Variants in ITCH observed in about 807,000 individuals in gnomAD.
ITCH encodes the protein itchy E3 ubiquitin protein ligase.
In ITCH, 28 loss-of-function variants were observed where a neutral mutation model predicts 126.8. The observed-to-expected ratio is 0.22, with a 90% confidence interval of 0.16 to 0.30. ITCH has a LOEUF of 0.30. ITCH is among the 10% of genes least tolerant of loss of function. ITCH has a pLI of 1.00. For synonymous variants in ITCH, 342 were observed against 340.0 expected (o/e 1.01, Z -0.06); for missense variants, 631 against 1,032.4 (o/e 0.61, Z 5.33).
chr20:34,381,715 C>G (rs908739020), intron 2 of ITCH, among the ~76,000 whole-genome samples: 2 of 151,668 alleles, frequency 1.3e-5, no homozygotes, highest in African/African-American at 4.8e-5. Context: ...CGTGAGCGAC[C>G]GCGCCTGGCG....
chr20:34,394,116 G>A (rs1165724592), intron 3 of ITCH, among the ~76,000 whole-genome samples: 1 of 151,224 alleles, frequency 6.6e-6, no homozygotes, highest in Non-Finnish European at 1.5e-5. Context: ...GGAGGCTGAG[G>A]CGTGAGAATC....
chr20:34,383,431 A>G (rs1355655734), intron 2 of ITCH, among the ~76,000 whole-genome samples: 2 of 147,768 alleles, frequency 1.4e-5, no homozygotes, highest in African/African-American at 5.0e-5. Flanking sequence ...CAATGGTGCA[A>G]TCTTGGCTCA....
At chr20:34,506,608 G>A (rs1990633237) in intron 24 of ITCH, among the ~76,000 whole-genome samples, 1 of 152,138 alleles carries the variant, frequency 6.6e-6, no homozygotes, top group Admixed American at 6.5e-5. Context: ...TCTAACCTGA[G>A]GTGGAACAGT....
chr20:34,388,868 T>G (rs939709635), intron 2 of ITCH, among the ~76,000 whole-genome samples: 1 of 152,188 alleles, frequency 6.6e-6, no homozygotes, highest in Non-Finnish European at 1.5e-5. Context: ...AGGCAACAAG[T>G]GAAAACACAA....
chr20:34,471,796 T>TGTGTGTGTGTGTG (rs58040161), intron 16 of ITCH, among the ~76,000 whole-genome samples: 24 of 150,262 alleles, frequency 1.6e-4, no homozygotes, highest in South Asian at 4.2e-4. Context: ...TGTGTGTGTG[T>TGTGTGTGTGTGTG]TTCAGGTTTC....
intron 14 of ITCH, among the ~76,000 whole-genome samples, chr20:34,467,064 A>G (rs540190928): frequency 2.0e-5 from 3 of 152,216 alleles, no homozygotes; most frequent in Non-Finnish European, 4.4e-5. Flanking sequence ...GAGGGACATC[A>G]CTGTATATTT....
Position 34,486,427 on chromosome 20 carries a change from G to A in ITCH, c.2094-2839G>A, listed in dbSNP as rs530307120. On this transcript the variant is annotated intron_variant, in intron 20 of 24. Transcript: ENST00000374864. ...TGCAACTTCCATCTCCTGGGTTCAAGTGATTCTTCTGCCTCAGCCTCCCGA... is the reference window on the plus strand; with the variant it reads ...TGCAACTTCCATCTCCTGGGTTCAAATGATTCTTCTGCCTCAGCCTCCCGA... Among the ~76,000 whole-genome samples, 34 of 150,852 alleles carry A rather than the reference G, an allele frequency of 2.3e-4. No individual in the cohort carries two copies. In the East Asian group the frequency reaches 4.3e-3, roughly 19 times the overall value.
intron 10 of ITCH, 57 bp downstream of exon 10, chr20:34,442,360 C>T: frequency 8.4e-7 from 1 of 1,186,758 alleles, no homozygotes; most frequent in Non-Finnish European, 1.3e-6. Flanking sequence ...TGGATTACAA[C>T]TGTATAATCT....
intron 6 of ITCH, chr20:34,417,106 T>G (rs1449610552): frequency 3.0e-6 from 2 of 661,234 alleles, no homozygotes; most frequent in African/African-American, 3.6e-5. Context: ...TAGACTTTTT[T>G]TTTTTTTTAG....
intron 17 of ITCH, among the ~76,000 whole-genome samples, chr20:34,478,242 G>T (rs191245361): frequency 5.3e-5 from 8 of 152,296 alleles, no homozygotes; most frequent in African/African-American, 1.9e-4. Flanking sequence ...CTGTTCCACA[G>T]AAAACACAAG....
intron 11 of ITCH, among the ~76,000 whole-genome samples, chr20:34,446,088 T>A (rs1984417554): frequency 6.6e-6 from 1 of 152,234 alleles, no homozygotes; most frequent in African/African-American, 2.4e-5. Context: ...AAATCTTCCT[T>A]TGCTATGCAG....
intron 10 of ITCH, among the ~76,000 whole-genome samples, chr20:34,443,024 C>G (rs1983964670): frequency 6.6e-6 from 1 of 151,400 alleles, no homozygotes; most frequent in African/African-American, 2.4e-5. Flanking sequence ...AGCTGTTTAC[C>G]TGTTTACTAA....
chr20:34,415,698 T>G (rs980832162), intron 6 of ITCH, among the ~76,000 whole-genome samples: 1 of 152,228 alleles, frequency 6.6e-6, no homozygotes, highest in Non-Finnish European at 1.5e-5. Flanking sequence ...TCTATAATAG[T>G]CACATTTTTC....
chr20:34,479,380 A>G (rs112901922), intron 17 of ITCH, among the ~76,000 whole-genome samples: 1 of 152,212 alleles, frequency 6.6e-6, no homozygotes, highest in Non-Finnish European at 1.5e-5. Context: ...TCGTTCATCA[A>G]ATAAAGGTGC....
chr20:34,456,845 G>C (rs1033119575), intron 12 of ITCH, among the ~76,000 whole-genome samples: 2 of 151,258 alleles, frequency 1.3e-5, no homozygotes, highest in African/African-American at 4.9e-5. Flanking sequence ...GCCTCCCAAA[G>C]TGCTGGGATT....
chr20:34,486,750 T>G (rs1461622524), intron 20 of ITCH, among the ~76,000 whole-genome samples: 1 of 151,906 alleles, frequency 6.6e-6, no homozygotes, highest in Non-Finnish European at 1.5e-5. Context: ...CAGGCTGGAG[T>G]GCAGTGGTGA....
At chr20:34,464,440 C>T (rs576437048) in intron 14 of ITCH, among the ~76,000 whole-genome samples, 27 of 151,788 alleles carry the variant, frequency 1.8e-4, no homozygotes, top group African/African-American at 6.3e-4. Context: ...TATTCTCCTG[C>T]TTCAGCCTCC....
intron 20 of ITCH, among the ~76,000 whole-genome samples, chr20:34,488,776 G>A (rs1473743160): frequency 5.9e-5 from 9 of 152,070 alleles, no homozygotes; most frequent in Admixed American, 5.2e-4. Flanking sequence ...GGTGGCACAC[G>A]CTTGTAATCG....
chr20:34,379,897 C>A (rs1423007050), intron 2 of ITCH, among the ~76,000 whole-genome samples: 1 of 134,278 alleles, frequency 7.4e-6, no homozygotes, highest in Admixed American at 7.4e-5. Context: ...GCACCCGGCC[C>A]CCCCCCCCCT....
Sources: allele counts gnomAD v4.1 joint callset (sites outside exome capture counted in the v4.1 genomes callset), GRCh38; gene constraint gnomAD v4.1.1; transcripts MANE v1.5; gene names NCBI Gene and HGNC (gene_info 2026-07-23, HGNC 2026-07-21).